The following COL20A1 variants were observed in gnomAD, a reference collection of about 807,000 sequenced individuals.
COL20A1 encodes collagen type XX alpha 1 chain.
In COL20A1, 164 loss-of-function variants were observed where a neutral mutation model predicts 152.9. That is an observed-to-expected ratio of 1.07 (90% CI 0.94 to 1.22). The LOEUF is 1.22. Ranked by LOEUF, COL20A1 falls within the 50% of genes most tolerant of loss-of-function variation. The pLI, the probability that COL20A1 is intolerant of heterozygous loss-of-function variation, is 0.00. For synonymous variants in COL20A1, 864 were observed against 756.0 expected (o/e 1.14, Z -2.34); for missense variants, 1,873 against 1,744.8 (o/e 1.07, Z -1.31).
intron 21 of COL20A1, among the ~76,000 whole-genome samples, 177 bp from the exon 22 acceptor site, chr20:63,318,881 C>T (rs752167204): frequency 2.0e-5 from 3 of 151,910 alleles, no homozygotes; most frequent in Admixed American, 1.3e-4. Flanking sequence ...AGGGAGCCAG[C>T]GGCCTCCACG....
rs1454615896 is a variant in COL20A1 at position 63,306,178 on chromosome 20, T to C, written c.496+139T>C. The C allele has an allele frequency of 1.5e-6, 1 of 689,248 alleles. No individual in the cohort carries two copies. The highest frequency in any genetic ancestry group is 2.4e-6 in the Non-Finnish European group (1 of 421,916). 42.7% of individuals were successfully genotyped at this position (689,248 alleles called of 1,614,324 possible). ...GACCACGAGGCCAGGAAGTTCTTCC[T>C]CGTGTCTGACCACACGGTCTCTGAC... On this transcript the variant is annotated intron_variant, in intron 5 of 35. Coordinates refer to ENST00000358894, the MANE Select transcript of COL20A1 (RefSeq NM_020882.4). This position sits in a 1 kb window ranked among gnomAD's most constrained non-coding sequence, Gnocchi z 6.9.
rs1246331397 is a variant in COL20A1 at position 63,305,907 on chromosome 20, G to A, written c.364G>A (p.Asp122Asn). The A allele has an allele frequency of 6.2e-7, 1 of 1,612,902 alleles. No individual in the cohort carries two copies. The highest frequency in any genetic ancestry group is 1.1e-5 in the South Asian group (1 of 91,090). Reference protein sequence around the residue: ...VIEDLKSSSLDRSSQRPLGSG... With the variant: ...VIEDLKSSSLNRSSQRPLGSG... Reference sequence around the variant, plus strand: ...TGAGGATCTGAAGAGTAGCTCCCTGGACAGGAGCAGCCAGAGGCCCCTCGG... The same window carrying A: ...TGAGGATCTGAAGAGTAGCTCCCTGAACAGGAGCAGCCAGAGGCCCCTCGG... Residue 122 changes from aspartate to asparagine, a missense_variant, in exon 5 of 36, where the codon GAC becomes AAC. Transcript: ENST00000358894. This position sits in a 1 kb window ranked among gnomAD's most constrained non-coding sequence, Gnocchi z 4.9.
chr20:63,307,451 G>A (rs2067940049), intron 5 of COL20A1, 39 bp from the exon 6 acceptor site: 3 of 1,584,556 alleles, frequency 1.9e-6, no homozygotes, highest in Admixed American at 1.7e-5. Context: ...GACCAGGGAT[G>A]GGCCTCACCT....
intron 34 of COL20A1, chr20:63,329,382 C>G: frequency 3.4e-6 from 2 of 588,118 alleles, no homozygotes; most frequent in South Asian, 2.0e-5. Flanking sequence ...CATGCCCCCC[C>G]AGAACTGTCA....
rs755270472 is a variant in COL20A1 at position 63,321,040 on chromosome 20, G to A, written c.3181G>A (p.Val1061Met). The change falls in exon 26 of 36, where the codon GTG (valine) becomes ATG (methionine). Residue 1061 changes from valine (V) to methionine (M), a missense_variant. Physicochemically the swap from Val to Met is conservative, Grantham distance 21. Transcript: ENST00000358894. The part of the protein sequence containing the change: ...SRDGETCPAF[V>M]SACSCSSETP... ...GGATGGAGAGACCTGCCCCGCCTTCGTGTCTGCCTGTTCCTGTTCCTCAGA... is the reference window on the plus strand; with the variant it reads ...GGATGGAGAGACCTGCCCCGCCTTCATGTCTGCCTGTTCCTGTTCCTCAGA... 18 of 1,599,472 alleles carry A rather than the reference G, an allele frequency of 1.1e-5. No homozygotes were observed. Among genetic ancestry groups the A allele is most frequent in the South Asian group, 9.1e-5 (8 of 87,964 alleles).
chr20:63,315,392 T>G lies in COL20A1; in HGVS notation c.2489-12T>G. On this transcript the variant is annotated splice_polypyrimidine_tract_variant and intron_variant, in intron 19 of 35. Coordinates refer to ENST00000358894, the MANE Select transcript of COL20A1 (RefSeq NM_020882.4). ...CGCTCCCACTCACACTGACCCTGTC[T>G]CCTCTCAGCAGCCTGCCCAGCCCTC... 1 of 1,572,822 alleles carries G rather than the reference T, an allele frequency of 6.4e-7. No individual in the cohort carries two copies. Among genetic ancestry groups the G allele is most frequent in the African/African-American group, 1.3e-5 (1 of 74,258 alleles).
chr20:63,330,502 C>T (rs2068318717), intron 35 of COL20A1, among the ~76,000 whole-genome samples: 1 of 152,200 alleles, frequency 6.6e-6, no homozygotes, highest in African/African-American at 2.4e-5. Context: ...TTCTCCTCCA[C>T]AGACCCGTCA....
Position 63,329,765 on chromosome 20 carries a change from G to A in COL20A1, c.*3+104G>A, listed in dbSNP as rs114781433. On this transcript the variant is annotated intron_variant, in intron 35 of 35. Coordinates refer to ENST00000358894, the MANE Select transcript of COL20A1 (RefSeq NM_020882.4). The stretch of plus-strand genomic sequence containing the variant: ...GGGGCCTCATGCTGTCCAGGGTGGG[G>A]TGCTGGGAGCACAAGGCCCAGCAGA... 2.7e-3 allele frequency: 2,187 copies of A among 808,658 alleles called. 37 individuals are homozygous for A. In the African/African-American group the frequency reaches 0.035, roughly 13 times the overall value. 50.1% of individuals were successfully genotyped at this position (808,658 alleles called of 1,614,324 possible).
chr20:63,312,278 A>G, intron 14 of COL20A1, 142 bp from the exon 15 acceptor site: 2 of 1,147,538 alleles, frequency 1.7e-6, no homozygotes, highest in Non-Finnish European at 2.4e-6. Flanking sequence ...TTGCCCTCCC[A>G]TCCCTCAGGA....
Position 63,308,149 on chromosome 20 carries a change from C to T in COL20A1, c.775+59C>T, listed in dbSNP as rs2123394076. ...AGGGCGGACCTCCTTCTGCCGCCCT[C>T]CCAGATCCCGAAAGCTTGTGTGTAA... On this transcript the variant is annotated intron_variant, in intron 7 of 35. Transcript: ENST00000358894. 4 of 1,590,846 alleles carry T rather than the reference C, an allele frequency of 2.5e-6. No homozygotes were observed. In the South Asian group the frequency reaches 3.4e-5, roughly 13 times the overall value.
intron 3 of COL20A1, among the ~76,000 whole-genome samples, chr20:63,300,749 A>AT (rs2067853839): frequency 6.6e-6 from 1 of 152,026 alleles, no homozygotes; most frequent in Non-Finnish European, 1.5e-5. Flanking sequence ...AAGTTCATTG[A>AT]TTTTCTGCCC....
At position 63,332,474 on chromosome 20, in the gene COL20A1, A is replaced by T; in HGVS notation, c.*1758A>T. ...AGCAGTGGAGTGAGCAGGCTTTGTCATGAGGCAGGAGTGGGGCTAGAATCA... is the reference window on the plus strand; with the variant it reads ...AGCAGTGGAGTGAGCAGGCTTTGTCTTGAGGCAGGAGTGGGGCTAGAATCA... On this transcript the variant is annotated 3_prime_UTR_variant, in exon 36 of 36. Coordinates refer to ENST00000358894, the MANE Select transcript of COL20A1 (RefSeq NM_020882.4). 6.6e-6 allele frequency: 1 copy of T among 152,264 alleles called. No individual in the cohort carries two copies. The highest frequency in any genetic ancestry group is 2.1e-4 in the South Asian group (1 of 4,838). 9.4% of individuals were successfully genotyped at this position (152,264 alleles called of 1,614,324 possible).
At chr20:63,301,041 G>A (rs1423691433) in intron 3 of COL20A1, among the ~76,000 whole-genome samples, 5 of 152,182 alleles carry the variant, frequency 3.3e-5, no homozygotes, top group East Asian at 1.9e-4. Flanking sequence ...CTGGCCGGGC[G>A]TGGTGGCTCA....
Position 63,305,824 on chromosome 20 carries a change from C to T in COL20A1, c.338-57C>T. The T allele has an allele frequency of 6.4e-7, 1 of 1,551,758 alleles. No homozygotes were observed. Among genetic ancestry groups the T allele is most frequent in the Non-Finnish European group, 8.9e-7 (1 of 1,126,730 alleles). ...CCTTGAAGGGGTGTATGTGCAGCTGCCCCAGTGGACCAGGCCCTCCACTCC... is the reference window on the plus strand; with the variant it reads ...CCTTGAAGGGGTGTATGTGCAGCTGTCCCAGTGGACCAGGCCCTCCACTCC... On this transcript the variant is annotated intron_variant, in intron 4 of 35. Transcript: ENST00000358894. The surrounding 1 kb of genome is among the most constrained non-coding windows in gnomAD (Gnocchi z 4.9).
Position 63,295,090 on chromosome 20 carries a change from T to A in COL20A1, c.-10-8T>A. The A allele has an allele frequency of 6.5e-7, 1 of 1,539,672 alleles. No individual in the cohort carries two copies. Among genetic ancestry groups the A allele is most frequent in the Non-Finnish European group, 8.8e-7 (1 of 1,139,918 alleles). ...CGGCTGAAGGGCATGGCCTCTTCCC[T>A]GCCACAGCCCGAGCACCATGAGCTC... On this transcript the variant is annotated splice_region_variant and splice_polypyrimidine_tract_variant and intron_variant, in intron 1 of 35. Transcript: ENST00000358894.
rs756998894 is a variant in COL20A1 at position 63,319,216 on chromosome 20, C to T, written c.2806+16C>T. Reference sequence around the variant, plus strand: ...CTGCTGGATGGTGACGTGGGCCCCGCGTCGCCCCCAGCAGTCAGGAGGAGT... The same window carrying T: ...CTGCTGGATGGTGACGTGGGCCCCGTGTCGCCCCCAGCAGTCAGGAGGAGT... On this transcript the variant is annotated intron_variant, in intron 22 of 35. Transcript: ENST00000358894. The surrounding 1 kb of genome is among the most constrained non-coding windows in gnomAD (Gnocchi z 4.4). The T allele has an allele frequency of 6.2e-6, 10 of 1,609,066 alleles. No homozygotes were observed. The highest frequency in any genetic ancestry group is 3.3e-5 in the South Asian group (3 of 90,494).
intron 3 of COL20A1, among the ~76,000 whole-genome samples, chr20:63,303,700 C>T (rs565694866): frequency 7.9e-5 from 12 of 152,324 alleles, no homozygotes; most frequent in Admixed American, 7.8e-4. Flanking sequence ...GCTGGTCACT[C>T]CCTGGCGCGG....
chr20:63,319,440 C>A lies in COL20A1; in HGVS notation c.2807-47C>A, dbSNP rs3746381. The A allele has an allele frequency of 1.4e-6, 2 of 1,422,880 alleles. No homozygotes were observed. The highest frequency in any genetic ancestry group is 1.2e-5 in the South Asian group (1 of 80,546). 88.1% of individuals were successfully genotyped at this position (1,422,880 alleles called of 1,614,324 possible). On this transcript the variant is annotated intron_variant, in intron 22 of 35. Coordinates refer to ENST00000358894, the MANE Select transcript of COL20A1 (RefSeq NM_020882.4). This position sits in a 1 kb window ranked among gnomAD's most constrained non-coding sequence, Gnocchi z 4.4. ...GGCCGCCCTGCTCAAGGTATAGGCCCGGCTGGTTGCAGCCCGTTCTCACCT... is the reference window on the plus strand; with the variant it reads ...GGCCGCCCTGCTCAAGGTATAGGCCAGGCTGGTTGCAGCCCGTTCTCACCT...
At chr20:63,312,169 C>T in intron 14 of COL20A1, 114 bp downstream of exon 14, 16 of 1,297,786 alleles carry the variant, frequency 1.2e-5, no homozygotes, top group East Asian at 5.1e-5. Context: ...ACAGCGGCCA[C>T]GAGGCACAGC....
Sources: allele counts gnomAD v4.1 joint callset (sites outside exome capture counted in the v4.1 genomes callset), GRCh38; gene constraint gnomAD v4.1.1; non-coding constraint Gnocchi (gnomAD v3.1); transcripts MANE v1.5; gene names NCBI Gene and HGNC (gene_info 2026-07-23, HGNC 2026-07-21).